The following CMSS1 variants were observed in gnomAD, a reference collection of about 807,000 sequenced individuals.
CMSS1 encodes the protein cms1 ribosomal small subunit homolog, also known as protein CMSS1.
In CMSS1, 33 loss-of-function variants were observed where a neutral mutation model predicts 43.5. That is an observed-to-expected ratio of 0.76 (90% CI 0.57 to 1.01). The LOEUF (loss-of-function observed/expected upper bound fraction) is 1.01, where lower values mean the gene tolerates loss of function less well. CMSS1 is among the 50% of genes least tolerant of loss of function. CMSS1 has a pLI of 0.00. For missense variants in CMSS1, 313 were observed against 326.4 expected (o/e 0.96, Z 0.32); for synonymous variants, 115 against 117.2 (o/e 0.98, Z 0.12).
At chr3:99,831,412 T>C (rs1252448414) in intron 1 of CMSS1, among the ~76,000 whole-genome samples, 4 of 152,218 alleles carry the variant, frequency 2.6e-5, no homozygotes, top group Non-Finnish European at 4.4e-5. Flanking sequence ...ACATTTTCTG[T>C]GTTCTCCACA....
intron 1 of CMSS1, among the ~76,000 whole-genome samples, chr3:100,001,955 T>C (rs1709854264): frequency 6.6e-6 from 1 of 152,186 alleles, no homozygotes. Context: ...CTGGTTTTCA[T>C]CTCCAGTGGG....
chr3:99,872,269 C>CTG (rs55727823), intron 1 of CMSS1, among the ~76,000 whole-genome samples: 8,337 of 110,708 alleles, frequency 0.075, 325 homozygotes, highest in East Asian at 0.091. Flanking sequence ...TGTGCCAGGA[C>CTG]TGTGTGTGTG....
intron 1 of CMSS1, among the ~76,000 whole-genome samples, chr3:100,004,130 C>T (rs1455211552): frequency 6.6e-6 from 1 of 152,122 alleles, no homozygotes; most frequent in African/African-American, 2.4e-5. Flanking sequence ...TGCATGATGC[C>T]TTCCTAGGGG....
intron 1 of CMSS1, among the ~76,000 whole-genome samples, chr3:100,095,228 T>G (rs972237247): frequency 4.9e-4 from 75 of 152,302 alleles, no homozygotes; most frequent in African/African-American, 1.7e-3. Context: ...CCTTTCCCTT[T>G]CCATATAAAT....
chr3:99,872,140 T>C (rs1944820278), intron 1 of CMSS1, among the ~76,000 whole-genome samples: 1 of 152,198 alleles, frequency 6.6e-6, no homozygotes, highest in Non-Finnish European at 1.5e-5. Flanking sequence ...GCCCTACCTC[T>C]GCATAGCTGT....
intron 1 of CMSS1, among the ~76,000 whole-genome samples, chr3:99,958,760 G>A (rs1219346719): frequency 1.3e-5 from 2 of 152,022 alleles, no homozygotes; most frequent in African/African-American, 4.8e-5. Flanking sequence ...GCTAGAGCTT[G>A]AGGTTTTGGA....
intron 1 of CMSS1, chr3:100,023,626 T>A (rs553949679): frequency 2.8e-4 from 42 of 152,602 alleles, no homozygotes; most frequent in African/African-American, 1.0e-3. Context: ...TTTGCTCTAA[T>A]AATGTAGATC....
chr3:99,972,269 T>C (rs1708845116), intron 1 of CMSS1, among the ~76,000 whole-genome samples: 1 of 152,190 alleles, frequency 6.6e-6, no homozygotes, highest in Non-Finnish European at 1.5e-5. Context: ...CTTGACCCAA[T>C]AGAGTACCCT....
chr3:99,832,661 G>A (rs1359072401), intron 1 of CMSS1, among the ~76,000 whole-genome samples: 2 of 147,648 alleles, frequency 1.4e-5, no homozygotes, highest in African/African-American at 4.9e-5. Flanking sequence ...TGGCCAACAC[G>A]GTGAAACCCT....
chr3:99,824,190 G>A (rs1942494054), intron 1 of CMSS1, among the ~76,000 whole-genome samples: 1 of 152,030 alleles, frequency 6.6e-6, no homozygotes, highest in Non-Finnish European at 1.5e-5. Context: ...CAAAACACTG[G>A]GATTACAGGC....
chr3:99,992,687 GT>G (rs909530631), intron 1 of CMSS1, among the ~76,000 whole-genome samples: 2 of 150,716 alleles, frequency 1.3e-5, no homozygotes, highest in Non-Finnish European at 3.0e-5. Flanking sequence ...AATTTGTCTA[GT>G]TTTTTTTTGG....
Position 99,930,542 on chromosome 3 carries a change from T to C in CMSS1, c.64+112499T>C, listed in dbSNP as rs148642060. Reference sequence around the variant, plus strand: ...AGCAGCATGGGCAGAGGATGTGACCTTTCACGACCTGTATGCCAATCACAT... The same window carrying C: ...AGCAGCATGGGCAGAGGATGTGACCCTTCACGACCTGTATGCCAATCACAT... On this transcript the variant is annotated intron_variant, in intron 1 of 9. Coordinates refer to ENST00000421999, the MANE Select transcript of CMSS1 (RefSeq NM_032359.4). 2.3e-3 allele frequency among the ~76,000 whole-genome samples: 343 copies of C among 152,312 alleles called. 6 individuals are homozygous for C. The highest frequency in any genetic ancestry group is 7.4e-3 in the African/African-American group (307 of 41,580).
intron 1 of CMSS1, among the ~76,000 whole-genome samples, chr3:100,029,812 C>T (rs2064993029): frequency 6.6e-6 from 1 of 152,054 alleles, no homozygotes; most frequent in Non-Finnish European, 1.5e-5. Context: ...ATATAGTGAC[C>T]AAAAGGGCAG....
chr3:100,038,483 CA>C (rs2065147888), intron 1 of CMSS1, among the ~76,000 whole-genome samples: 3 of 152,156 alleles, frequency 2.0e-5, no homozygotes, highest in Admixed American at 1.3e-4. Context: ...CAATACTACT[CA>C]GTCAGTTGTA....
At chr3:100,108,340 A>G (rs1344510103) in intron 1 of CMSS1, among the ~76,000 whole-genome samples, 1 of 152,178 alleles carries the variant, frequency 6.6e-6, no homozygotes, top group East Asian at 1.9e-4. Context: ...GATAATGATA[A>G]TAACAGCCTC....
Position 99,904,983 on chromosome 3 carries a change from TCATTGGTGG to T in CMSS1, c.64+86944_64+86952del, listed in dbSNP as rs147291069. ...TCTGAAGAAATTGTTCTCTCAGAGG[TCATTGGTGG>T]CATCCTCAGATCCAAAAGCCTTCAC... is the stretch of plus-strand genomic sequence containing the variant. On this transcript the variant is annotated intron_variant, in intron 1 of 9. Transcript: ENST00000421999. 4.5e-3 allele frequency among the ~76,000 whole-genome samples: 688 copies of T among 152,238 alleles called. 7 individuals carry two copies. Among genetic ancestry groups the T allele is most frequent in the African/African-American group, 0.016 (674 of 41,534 alleles).
intron 1 of CMSS1, among the ~76,000 whole-genome samples, chr3:100,044,042 A>G (rs2065244064): frequency 6.6e-6 from 1 of 152,304 alleles, no homozygotes; most frequent in Admixed American, 6.5e-5. Context: ...GCTAGCTAGT[A>G]GTTCATTGGG....
At chr3:100,101,558 A>T (rs2107457835) in intron 1 of CMSS1, among the ~76,000 whole-genome samples, 1 of 152,270 alleles carries the variant, frequency 6.6e-6, no homozygotes, top group African/African-American at 2.4e-5. Flanking sequence ...TACCCTTCAA[A>T]GTAACACATG....
chr3:100,128,539 C>T (rs2107497739), intron 1 of CMSS1, among the ~76,000 whole-genome samples: 1 of 152,266 alleles, frequency 6.6e-6, no homozygotes, highest in South Asian at 2.1e-4. Context: ...TTATAATTTA[C>T]ATTTATTGAG....
Sources: gnomAD v4.1 joint callset for allele counts (sites outside exome capture counted in the v4.1 genomes callset) on GRCh38, gnomAD v4.1.1 for gene constraint, MANE v1.5 for transcripts, NCBI Gene and HGNC (gene_info 2026-07-23, HGNC 2026-07-21) for gene names.